The following CKB variants were observed in gnomAD, a reference collection of about 807,000 sequenced individuals.
CKB encodes the protein creatine kinase B-type.
In CKB, 15 loss-of-function variants were observed where a neutral mutation model predicts 36.9. The observed-to-expected ratio is 0.41, with a 90% CI of 0.27 to 0.63. CKB has a LOEUF of 0.63. CKB is among the 20% of genes least tolerant of loss of function. The probability of loss-of-function intolerance (pLI) is 0.34; values close to 1 mark genes in which losing one functional copy is unlikely to be tolerated. For synonymous variants in CKB, 250 were observed against 228.2 expected (o/e 1.10, Z -0.86); for missense variants, 413 against 534.9 (o/e 0.77, Z 2.25).
chr14:103,522,612 G>C lies in CKB; in HGVS notation c.-12-107C>G. ...GGCCCCCCGGCGCCCCCCGGGACGC[G>C]GCCAAGGTCAGCGGGGTCCGCAGCG... On this transcript the variant is annotated intron_variant, in intron 1 of 7. Coordinates refer to ENST00000348956, the MANE Select transcript of CKB (RefSeq NM_001823.5). This position sits in a 1 kb window ranked among gnomAD's most constrained non-coding sequence, Gnocchi z 6.7. 2 of 809,766 alleles carry C rather than the reference G, an allele frequency of 2.5e-6. No individual in the cohort carries two copies. Among genetic ancestry groups the C allele is most frequent in the Non-Finnish European group, 3.4e-6 (2 of 591,186 alleles). The allele number at this position is 809,766 out of a possible 1,614,324, so 50.2% of individuals were successfully genotyped here. A position where few individuals can be genotyped will look rare whatever the true frequency, so the allele number is the denominator to read the frequency against.
rs751794219 is a variant in CKB at position 103,522,522 on chromosome 14, G to C, written c.-12-17C>G. ...GGCGGCGGGCTGCGGGGAGACGCGG[G>C]GTCAGAGGGGACCGGCACGCCGGGG... is the stretch of plus-strand genomic sequence containing the variant. On this transcript the variant is annotated splice_polypyrimidine_tract_variant and intron_variant, in intron 1 of 7. Transcript: ENST00000348956. This position sits in a 1 kb window ranked among gnomAD's most constrained non-coding sequence, Gnocchi z 6.7. The C allele has an allele frequency of 2.6e-6, 4 of 1,561,626 alleles. No individual in the cohort carries two copies. Among genetic ancestry groups the C allele is most frequent in the South Asian group, 1.1e-5 (1 of 87,638 alleles).
intron 4 of CKB, 174 bp from the exon 5 acceptor site, chr14:103,521,608 G>T: frequency 1.1e-6 from 1 of 891,494 alleles, no homozygotes; most frequent in Non-Finnish European, 1.5e-6. Flanking sequence ...GTGACCCCGC[G>T]CCAGGACCCG....
At position 103,519,819 on chromosome 14, in the gene CKB, ATAAGT is replaced by A; in HGVS notation, c.*40_*44del. On this transcript the variant is annotated 3_prime_UTR_variant, in exon 8 of 8. Coordinates refer to ENST00000348956, the MANE Select transcript of CKB (RefSeq NM_001823.5). ...GTGCATGGTGGGCACTGCCCAGGCA[ATAAGT>A]TAGGAAGCAGCAGGGCTGGTGTCGG... is the stretch of plus-strand genomic sequence containing the variant. 1.3e-6 allele frequency: 2 copies of A among 1,559,028 alleles called. No individual in the cohort carries two copies. The highest frequency in any genetic ancestry group is 1.2e-5 in the South Asian group (1 of 83,908).
rs539248079 is a variant in CKB at position 103,522,659 on chromosome 14, G to T, written c.-13+107C>A. The T allele has an allele frequency of 6.8e-6, 2 of 293,908 alleles. No homozygotes were observed. The highest frequency in any genetic ancestry group is 1.1e-5 in the Non-Finnish European group (2 of 176,942). 18.2% of individuals were successfully genotyped at this position (293,908 alleles called of 1,614,324 possible). On this transcript the variant is annotated intron_variant, in intron 1 of 7. Transcript: ENST00000348956. This position sits in a 1 kb window ranked among gnomAD's most constrained non-coding sequence, Gnocchi z 6.7. ...AGCGCGCGCGGGGAGCGCCATCATC[G>T]CCGGGGACCCCCGGCCGGTCCGGCG... is the stretch of plus-strand genomic sequence containing the variant.
At position 103,522,419 on chromosome 14, in the gene CKB, G is replaced by C; in HGVS notation, c.75C>G (p.Ala25=). The part of the protein sequence containing the change: ...PAEDEFPDLS[A]HNNHMAKVLT... ...GCACCTTGGCCATGTGGTTGTTGTG[G>C]GCGCTCAGGTCGGGGAACTCGTCCT... Residue 25 remains alanine (A), a synonymous_variant, in exon 2 of 8, where the codon GCC becomes GCG. Transcript: ENST00000348956. This position sits in a 1 kb window ranked among gnomAD's most constrained non-coding sequence, Gnocchi z 6.7. The C allele has an allele frequency of 6.2e-7, 1 of 1,610,140 alleles. No homozygotes were observed. The highest frequency in any genetic ancestry group is 8.5e-7 in the Non-Finnish European group (1 of 1,178,716).
In CKB at chr14:103,522,570, T is replaced by C; in HGVS notation, c.-12-65A>G. 77 of 360,604 alleles carry C rather than the reference T, an allele frequency of 2.1e-4. No individual in the cohort carries two copies. Among genetic ancestry groups the C allele is most frequent in the East Asian group, 4.2e-4 (3 of 7,188 alleles). The allele number at this position is 360,604 out of a possible 1,614,324, so 22.3% of individuals were successfully genotyped here. A position where few individuals can be genotyped will look rare whatever the true frequency, so the allele number is the denominator to read the frequency against. On this transcript the variant is annotated intron_variant, in intron 1 of 7. Coordinates refer to ENST00000348956, the MANE Select transcript of CKB (RefSeq NM_001823.5). This position sits in a 1 kb window ranked among gnomAD's most constrained non-coding sequence, Gnocchi z 6.7. ...GGGTTCCCGGGCTCCCGCGTACCAC[T>C]CAGGCCCCCGCCGCCGGGCCCCCCG...
Position 103,522,289 on chromosome 14 carries a change from G to A in CKB, c.193+12C>T, listed in dbSNP as rs1215911457. On this transcript the variant is annotated intron_variant, in intron 2 of 7. Coordinates refer to ENST00000348956, the MANE Select transcript of CKB (RefSeq NM_001823.5). The surrounding 1 kb of genome is among the most constrained non-coding windows in gnomAD (Gnocchi z 6.7). The stretch of plus-strand genomic sequence containing the variant: ...GGGGGGGCCGGGACCCCGGCCCCGA[G>A]GGGTCGCGTACCCGGGTTGTCCACG... The A allele has an allele frequency of 6.3e-7, 1 of 1,599,078 alleles. No individual in the cohort carries two copies. The highest frequency in any genetic ancestry group is 1.7e-5 in the Admixed American group (1 of 58,708).
chr14:103,521,614 A>C (rs2075901665), intron 4 of CKB, 180 bp from the exon 5 acceptor site: 3 of 900,082 alleles, frequency 3.3e-6, no homozygotes, highest in Non-Finnish European at 4.5e-6. Flanking sequence ...CCGCGCCAGG[A>C]CCCGCCCTCC....
In CKB at chr14:103,520,323, G is replaced by A. The variant is rs1159943956; in HGVS notation, c.778-12C>T. 6 of 1,600,056 alleles carry A rather than the reference G, an allele frequency of 3.7e-6. No individual in the cohort carries two copies. Among genetic ancestry groups the A allele is most frequent in the Non-Finnish European group, 5.1e-6 (6 of 1,171,074 alleles). On this transcript the variant is annotated splice_polypyrimidine_tract_variant and intron_variant, in intron 6 of 7. Coordinates refer to ENST00000348956, the MANE Select transcript of CKB (RefSeq NM_001823.5). ...AAGAGAGTTTCAATCTGCAGACGGA[G>A]AAGAGGGTATGAGGGAGAAGGCCTG...
chr14:103,521,663 C>G, intron 4 of CKB, 155 bp downstream of exon 4: 3 of 1,037,270 alleles, frequency 2.9e-6, no homozygotes, highest in Non-Finnish European at 3.8e-6. Flanking sequence ...GCTGGGCCTC[C>G]GTCCCTCGGT....
intron 5 of CKB, 156 bp from the exon 6 acceptor site, chr14:103,520,748 GGAACCGGGACGCCTCACAGCAGGA>G: frequency 6.4e-6 from 7 of 1,089,248 alleles, no homozygotes; most frequent in Non-Finnish European, 8.9e-6. Flanking sequence ...GGCGGGCGGG[GGAACCGGGACGCCTCACAGCAGGA>G]GAACCCCAGC....
Position 103,522,314 on chromosome 14 carries a change from G to T in CKB, c.180C>A (p.Gly60=). The change falls in exon 2 of 8, where the codon GGC becomes GGA. Residue 60 remains glycine (G), a synonymous_variant. Coordinates refer to ENST00000348956, the MANE Select transcript of CKB (RefSeq NM_001823.5). This position sits in a 1 kb window ranked among gnomAD's most constrained non-coding sequence, Gnocchi z 6.7. ...GFTLDDVIQT[G]VDNPGHPYIM... is the part of the protein sequence containing the mutation. ...GGGGTCGCGTACCCGGGTTGTCCACGCCTGTCTGGATGACGTCGTCCAGCG... is the reference window on the plus strand; with the variant it reads ...GGGGTCGCGTACCCGGGTTGTCCACTCCTGTCTGGATGACGTCGTCCAGCG... The T allele has an allele frequency of 6.2e-7, 1 of 1,607,144 alleles. No homozygotes were observed. Among genetic ancestry groups the T allele is most frequent in the South Asian group, 1.1e-5 (1 of 90,884 alleles).
chr14:103,521,582 G>A (rs1439917891), intron 4 of CKB, 148 bp from the exon 5 acceptor site: 3 of 960,556 alleles, frequency 3.1e-6, no homozygotes, highest in Non-Finnish European at 4.2e-6. Flanking sequence ...CACGGCCCGG[G>A]CGACGGTCCC....
chr14:103,521,766 C>A, intron 4 of CKB, 52 bp downstream of exon 4: 2 of 1,343,252 alleles, frequency 1.5e-6, no homozygotes, highest in Non-Finnish European at 1.9e-6. Flanking sequence ...GCGGGGACCG[C>A]GCCGGGAGGG....
intron 7 of CKB, 23 bp from the exon 8 acceptor site, chr14:103,520,065 C>A: frequency 6.2e-7 from 1 of 1,607,906 alleles, no homozygotes; most frequent in Non-Finnish European, 8.5e-7. Flanking sequence ...CAAGTCAGGG[C>A]GGAGGAAACA....
chr14:103,522,541 G>A lies in CKB; in HGVS notation c.-12-36C>T, dbSNP rs1212802026. The A allele has an allele frequency of 4.1e-6, 6 of 1,451,036 alleles. No individual in the cohort carries two copies. The South Asian group carries it at 6.3e-5, about 15-fold the overall frequency. The allele number at this position is 1,451,036 out of a possible 1,614,324, so 89.9% of individuals were successfully genotyped here. On this transcript the variant is annotated intron_variant, in intron 1 of 7. Coordinates refer to ENST00000348956, the MANE Select transcript of CKB (RefSeq NM_001823.5). The surrounding 1 kb of genome is among the most constrained non-coding windows in gnomAD (Gnocchi z 6.7). ...ACGCGGGGTCAGAGGGGACCGGCAC[G>A]CCGGGGTTCCCGGGCTCCCGCGTAC...
chr14:103,521,633 C>T lies in CKB; in HGVS notation c.481+185G>A, dbSNP rs890146348. 1.3e-5 allele frequency: 12 copies of T among 954,212 alleles called. No individual in the cohort carries two copies. In the African/African-American group the frequency reaches 1.9e-4, roughly 15 times the overall value. 59.1% of individuals were successfully genotyped at this position (954,212 alleles called of 1,614,324 possible). On this transcript the variant is annotated intron_variant, in intron 4 of 7. Transcript: ENST00000348956. ...GCCAGGACCCGCCCTCCCTGGGCCC[C>T]AGGCCGCTGTGGGCGCGGGGCTGGG... is the stretch of plus-strand genomic sequence containing the variant.
Position 103,520,641 on chromosome 14 carries a change from G to T in CKB, c.654-49C>A. On this transcript the variant is annotated intron_variant, in intron 5 of 7. Coordinates refer to ENST00000348956, the MANE Select transcript of CKB (RefSeq NM_001823.5). ...CATACCCAGAAAAAAGCCCCAGGCCGCCCCCAGACCAAAGGAACTTCCCAA... is the reference window on the plus strand; with the variant it reads ...CATACCCAGAAAAAAGCCCCAGGCCTCCCCCAGACCAAAGGAACTTCCCAA... The T allele has an allele frequency of 5.1e-6, 8 of 1,569,964 alleles. No homozygotes were observed. The South Asian group carries it at 9.4e-5, about 18-fold the overall frequency.
Position 103,521,275 on chromosome 14 carries a change from G to A in CKB, c.641C>T (p.Ala214Val), listed in dbSNP as rs1484040781. Reference protein sequence around the residue: ...ASGMARDWPDARGIWHNDNKT... With the variant: ...ASGMARDWPDVRGIWHNDNKT... ...GAGGGACACGCACCAGATACCGCGG[G>A]CGTCGGGCCAGTCGCGGGCCATGCC... Residue 214 changes from alanine (A) to valine (V), a missense_variant, in exon 5 of 8, where the codon GCC (alanine) becomes GTC (valine). Around this residue, in one of 3 missense-constraint regions of CKB, gnomAD observed 314 missense variants for 409.4 expected, o/e 0.77. Transcript: ENST00000348956. The A allele has an allele frequency of 6.3e-7, 1 of 1,595,274 alleles. No individual in the cohort carries two copies. Among genetic ancestry groups the A allele is most frequent in the Admixed American group, 1.7e-5 (1 of 59,244 alleles).
Sources: allele counts gnomAD v4.1 joint callset, GRCh38; gene constraint gnomAD v4.1.1; regional missense constraint gnomAD v4.1.1; non-coding constraint Gnocchi (gnomAD v3.1); transcripts MANE v1.5; gene names NCBI Gene and HGNC (gene_info 2026-07-23, HGNC 2026-07-21).